SMCO1: variants seen among roughly 807,000 people sequenced by gnomAD.
The protein encoded by SMCO1 is single-pass membrane and coiled-coil domain-containing protein 1.
In SMCO1, 9 loss-of-function variants were observed where a neutral mutation model predicts 7.5. The ratio of observed to expected loss-of-function variants is 1.20; its 90% CI spans 0.72 to 2.09. SMCO1 has a LOEUF of 2.09. Ranked by LOEUF, SMCO1 falls within the 30% of genes most tolerant of loss-of-function variation. The pLI, the probability that SMCO1 is intolerant of heterozygous loss-of-function variation, is 0.00. For missense variants in SMCO1, 219 were observed against 253.1 expected (o/e 0.87, Z 0.91); for synonymous variants, 90 against 93.8 (o/e 0.96, Z 0.23).
upstream of SMCO1, among the ~76,000 whole-genome samples, chr3:196,519,882 G>A (rs1466686474): frequency 6.6e-6 from 1 of 152,106 alleles, no homozygotes; most frequent in African/African-American, 2.4e-5. Context: ...TACAACCACG[G>A]GCGGCACATT....
At chr3:196,508,624 A>T (rs1189278649) in intron 2 of SMCO1, among the ~76,000 whole-genome samples, 1 of 147,778 alleles carries the variant, frequency 6.8e-6, no homozygotes, top group Non-Finnish European at 1.5e-5. Flanking sequence ...CATCATGCCC[A>T]GCCAGTACTC....
Position 196,509,556 on chromosome 3 carries a change from G to T in SMCO1, c.164C>A (p.Ala55Asp), listed in dbSNP as rs963927847. The change falls in exon 2 of 3, where the codon GCC (alanine) becomes GAC (aspartate). Residue 55 changes from alanine to aspartate, a missense_variant. Coordinates refer to ENST00000397537, the MANE Select transcript of SMCO1 (RefSeq NM_001077657.3). Reference sequence around the variant, plus strand: ...AACTGCTGTCCACATCTCATCTTGGGCTGCTTGGCTTGCCAAAGCCTTACT... The same window carrying T: ...AACTGCTGTCCACATCTCATCTTGGTCTGCTTGGCTTGCCAAAGCCTTACT... ...HHSKALASQAAQDEMWTAVRA... is the reference protein window; with the variant it reads ...HHSKALASQADQDEMWTAVRA... 1 of 1,613,784 alleles carries T rather than the reference G, an allele frequency of 6.2e-7. No individual in the cohort carries two copies. The highest frequency in any genetic ancestry group is 1.3e-5 in the African/African-American group (1 of 74,856).
At chr3:196,511,800 T>A (rs1733241959) in intron 1 of SMCO1, among the ~76,000 whole-genome samples, 1 of 139,124 alleles carries the variant, frequency 7.2e-6, no homozygotes, top group African/African-American at 3.4e-5. Flanking sequence ...AGATTGTCGT[T>A]ATGAGGGAAA....
chr3:196,516,700 A>G (rs561950856), upstream of SMCO1, among the ~76,000 whole-genome samples: 1 of 152,258 alleles, frequency 6.6e-6, no homozygotes, highest in African/African-American at 2.4e-5. Context: ...CCTTGTCCTC[A>G]AGGAACATAC....
rs1181096875 is a variant in SMCO1, at chr3:196,507,349, G to C, written c.*538C>G. 2.0e-5 allele frequency: 3 copies of C among 152,160 alleles called. No individual in the cohort carries two copies. The highest frequency in any genetic ancestry group is 7.2e-5 in the African/African-American group (3 of 41,390). The allele number at this position is 152,160 out of a possible 1,614,324, so 9.4% of individuals were successfully genotyped here. On this transcript the variant is annotated 3_prime_UTR_variant, in exon 3 of 3. Transcript: ENST00000397537. ...TGAGCTCAAGTGATCCTCCTACCTT[G>C]GCCTCCTAAGGTGCTTGGATTATAG...
upstream of SMCO1, among the ~76,000 whole-genome samples, chr3:196,515,988 G>GATAGAT (rs1553865641): frequency 2.5e-4 from 6 of 23,890 alleles, no homozygotes; most frequent in Non-Finnish European, 4.1e-4. Context: ...AAGAGGATAG[G>GATAGAT]ATATATATAT....
chr3:196,515,988 G>GAGATATATATAT (rs1296248474), upstream of SMCO1, among the ~76,000 whole-genome samples: 1 of 23,918 alleles, frequency 4.2e-5, no homozygotes, highest in African/African-American at 2.4e-4. Context: ...AAGAGGATAG[G>GAGATATATATAT]ATATATATAT....
upstream of SMCO1, among the ~76,000 whole-genome samples, chr3:196,515,658 A>G (rs1322654616): frequency 6.6e-6 from 1 of 152,068 alleles, no homozygotes; most frequent in Non-Finnish European, 1.5e-5. Context: ...CAGATCTTTT[A>G]TGATGATGAT....
At chr3:196,508,362 G>T (rs761017669) in intron 2 of SMCO1, 31 bp from the exon 3 acceptor site, 2 of 1,536,830 alleles carry the variant, frequency 1.3e-6, no homozygotes, top group African/African-American at 2.8e-5. Context: ...TTCTTAAGCG[G>T]TCAAAAATAT....
chr3:196,515,540 C>T (rs148426895), upstream of SMCO1, among the ~76,000 whole-genome samples: 571 of 152,212 alleles, frequency 3.8e-3, 6 homozygotes, highest in African/African-American at 0.013. Context: ...AATGTATATA[C>T]AGATACATTA....
In SMCO1 at chr3:196,510,705, G is replaced by A. The variant is rs3732422; in HGVS notation, c.51-1036C>T. 1.1e-4 allele frequency among the ~76,000 whole-genome samples: 16 copies of A among 152,142 alleles called. No individual in the cohort carries two copies. In the East Asian group the frequency reaches 2.5e-3, roughly 24 times the overall value. On this transcript the variant is annotated intron_variant, in intron 1 of 2. Coordinates refer to ENST00000397537, the MANE Select transcript of SMCO1 (RefSeq NM_001077657.3). ...TGATCTCCTTGCCCCCCTGCGTCTC[G>A]CTTACAAGCACTGCCTCTGTGGACC...
rs1258505798 is a variant in SMCO1, at chr3:196,515,215, G to A, written c.-6C>T. 2 of 1,602,748 alleles carry A rather than the reference G, an allele frequency of 1.2e-6. No individual in the cohort carries two copies. Among genetic ancestry groups the A allele is most frequent in the South Asian group, 1.1e-5 (1 of 90,248 alleles). On this transcript the variant is annotated 5_prime_UTR_variant, in exon 1 of 3. Coordinates refer to ENST00000397537, the MANE Select transcript of SMCO1 (RefSeq NM_001077657.3). ...GTTGTGGTTTCATTGTTCATCTTCTGAAGGCAAAAGGAAAGAAAACAAAAA... is the reference window on the plus strand; with the variant it reads ...GTTGTGGTTTCATTGTTCATCTTCTAAAGGCAAAAGGAAAGAAAACAAAAA...
At position 196,506,881 on chromosome 3, in the gene SMCO1, A is replaced by C. The variant is rs1351978564; in HGVS notation, c.*1006T>G. 3.3e-5 allele frequency: 5 copies of C among 152,210 alleles called. No homozygotes were observed. The highest frequency in any genetic ancestry group is 1.2e-4 in the African/African-American group (5 of 41,440). 9.4% of individuals were successfully genotyped at this position (152,210 alleles called of 1,614,324 possible). Reference sequence around the variant, plus strand: ...TGAGGTACACGGACACTGGAGAGTGAGTAAGGCAAAGTAGAATTTATTGAG... The same window carrying C: ...TGAGGTACACGGACACTGGAGAGTGCGTAAGGCAAAGTAGAATTTATTGAG... On this transcript the variant is annotated 3_prime_UTR_variant, in exon 3 of 3. Transcript: ENST00000397537.
rs756318792 is a variant in SMCO1, at chr3:196,508,070, A to G, written c.462T>C (p.Thr154=). 4.7e-5 allele frequency: 76 copies of G among 1,614,050 alleles called. No homozygotes were observed. Among genetic ancestry groups the G allele is most frequent in the Non-Finnish European group, 5.8e-5 (69 of 1,180,042 alleles). The change falls in exon 3 of 3, where the codon ACT becomes ACC. Residue 154 remains threonine (T), a synonymous_variant. Transcript: ENST00000397537. ...TGATGTACATCTGCCTCACTTTAGC[A>G]GTATAGTGTTCTGCCTTGTTACCAC... is the stretch of plus-strand genomic sequence containing the variant. The part of the protein sequence containing the change: ...IARGNKAEHY[T]AKVRQMYIRD...
At chr3:196,513,326 G>C (rs1268671202) in intron 1 of SMCO1, among the ~76,000 whole-genome samples, 1 of 138,944 alleles carries the variant, frequency 7.2e-6, no homozygotes, top group Non-Finnish European at 1.5e-5. Flanking sequence ...AAGACCCTGT[G>C]TCAAAAAAAA....
upstream of SMCO1, among the ~76,000 whole-genome samples, chr3:196,518,301 T>C (rs1733429895): frequency 6.6e-6 from 1 of 152,164 alleles, no homozygotes; most frequent in Admixed American, 6.5e-5. Context: ...CTAAAGGGGG[T>C]TATTCCATTT....
At chr3:196,515,966 T>G (rs1733371351), upstream of SMCO1, among the ~76,000 whole-genome samples, 1 of 97,042 alleles carries the variant, frequency 1.0e-5, no homozygotes, top group Non-Finnish European at 1.9e-5. Flanking sequence ...GCCACTGCAC[T>G]CCAGCCCGGG....
At chr3:196,511,811 C>T (rs59231345) in intron 1 of SMCO1, among the ~76,000 whole-genome samples, 21,523 of 100,060 alleles carry the variant, frequency 0.22, no homozygotes, top group Non-Finnish European at 0.24. Context: ...ATGAGGGAAA[C>T]CTGCCTGGGC....
chr3:196,511,449 A>G (rs6809758), intron 1 of SMCO1, among the ~76,000 whole-genome samples: 4,777 of 45,904 alleles, frequency 0.1, 205 homozygotes, highest in African/African-American at 0.19. Flanking sequence ...AACCTGCCTG[A>G]GCCACCTAGA....
Sources: allele counts gnomAD v4.1 joint callset (sites outside exome capture counted in the v4.1 genomes callset), GRCh38; gene constraint gnomAD v4.1.1; transcripts MANE v1.5; gene names NCBI Gene and HGNC (gene_info 2026-07-23, HGNC 2026-07-21).